INPP4B: variants seen among roughly 807,000 people sequenced by gnomAD.
INPP4B encodes the protein inositol polyphosphate-4-phosphatase type II B.
A neutral mutation model predicts 122.5 loss-of-function variants in INPP4B; 55 were observed. The ratio of observed to expected loss-of-function variants is 0.45; its 90% confidence interval spans 0.36 to 0.56. INPP4B has a LOEUF of 0.56. Ranked by LOEUF, INPP4B falls within the 20% of genes least tolerant of loss-of-function variation. The pLI is 0.00. For synonymous variants in INPP4B, 403 were observed against 388.7 expected, an observed-to-expected ratio of 1.04 and a Z score of -0.43; for missense variants, 1,000 against 1,097.7, an observed-to-expected ratio of 0.91 and a Z score of 1.26.
chr4:142,332,642 G>C (rs1206392514), intron 7 of INPP4B, among the ~76,000 whole-genome samples: 1 of 151,990 alleles, frequency 6.6e-6, no homozygotes, highest in Non-Finnish European at 1.5e-5. Context: ...GTGGTTAAAT[G>C]ACTGGTCCCA....
At chr4:142,071,456 C>A (rs1767255342) in intron 25 of INPP4B, among the ~76,000 whole-genome samples, 1 of 152,104 alleles carries the variant, frequency 6.6e-6, no homozygotes, top group African/African-American at 2.4e-5. Flanking sequence ...ACACCAAAAG[C>A]AATGGCAACA....
intron 7 of INPP4B, among the ~76,000 whole-genome samples, chr4:142,335,906 T>A (rs1220827279): frequency 2.0e-5 from 3 of 152,314 alleles, no homozygotes; most frequent in African/African-American, 7.2e-5. Context: ...AAAGACAGCC[T>A]GAAGCCTGAA....
chr4:142,055,224 A>T (rs1756971771), intron 25 of INPP4B, among the ~76,000 whole-genome samples: 1 of 152,134 alleles, frequency 6.6e-6, no homozygotes, highest in African/African-American at 2.4e-5. Flanking sequence ...TTAAAGTTTG[A>T]TGGTTAAATA....
At chr4:142,551,143 G>A (rs976855422) in intron 2 of INPP4B, among the ~76,000 whole-genome samples, 8 of 152,126 alleles carry the variant, frequency 5.3e-5, no homozygotes, top group Non-Finnish European at 4.4e-5. Context: ...TTGTTTTATG[G>A]CTGCCCAGCA....
chr4:142,561,612 G>C (rs554881302), intron 2 of INPP4B, among the ~76,000 whole-genome samples: 16 of 152,148 alleles, frequency 1.1e-4, no homozygotes, highest in South Asian at 6.2e-4. Flanking sequence ...GTAGAGACGG[G>C]GTTTCACCAT....
chr4:142,322,308 A>T lies in INPP4B; in HGVS notation c.373-7546T>A, dbSNP rs567510655. Among the ~76,000 whole-genome samples the T allele has an allele frequency of 3.3e-5, 5 of 152,314 alleles. No homozygotes were observed. The South Asian group carries it at 1.0e-3, about 32-fold the overall frequency. On this transcript the variant is annotated intron_variant, in intron 7 of 25. Coordinates refer to ENST00000262992, the MANE Select transcript of INPP4B (RefSeq NM_001101669.3). ...CTAAAAAAAAAACTAGGCAATATGA[A>T]AATTATATCTGAAATATTCCTGGGA...
intron 2 of INPP4B, among the ~76,000 whole-genome samples, chr4:142,610,309 A>C (rs1444452023): frequency 6.6e-6 from 1 of 152,118 alleles, no homozygotes; most frequent in African/African-American, 2.4e-5. Flanking sequence ...AGCCATGTAG[A>C]ACTGTGAATC....
intron 14 of INPP4B, among the ~76,000 whole-genome samples, chr4:142,194,205 T>C (rs1460320140): frequency 6.6e-6 from 1 of 152,018 alleles, no homozygotes; most frequent in East Asian, 1.9e-4. Flanking sequence ...ATTCAGAAAA[T>C]GCAAGATCAC....
intron 4 of INPP4B, 139 bp from the exon 5 acceptor site, chr4:142,429,356 G>T (rs1051379717): frequency 5.4e-6 from 3 of 550,632 alleles, no homozygotes; most frequent in Non-Finnish European, 6.5e-6. Context: ...GTTTATCAGG[G>T]TTATAAATAA....
chr4:142,633,762 C>T (rs897394145), intron 2 of INPP4B, among the ~76,000 whole-genome samples: 60 of 151,756 alleles, frequency 4.0e-4, no homozygotes, highest in African/African-American at 1.4e-3. Context: ...TAAAATGACA[C>T]AAAATTGATA....
At chr4:142,524,855 C>A (rs1476499694) in intron 2 of INPP4B, among the ~76,000 whole-genome samples, 15 of 151,796 alleles carry the variant, frequency 9.9e-5, no homozygotes, top group Middle Eastern at 3.4e-3. Flanking sequence ...TCTCACCACT[C>A]CTATTCAACA....
intron 8 of INPP4B, among the ~76,000 whole-genome samples, chr4:142,308,386 C>T (rs1764226712): frequency 1.3e-5 from 2 of 151,980 alleles, no homozygotes; most frequent in Admixed American, 1.3e-4. Flanking sequence ...AACTGTATAT[C>T]AGGACTGCAT....
intron 25 of INPP4B, among the ~76,000 whole-genome samples, chr4:142,067,741 A>T (rs930948316): frequency 6.6e-6 from 1 of 152,196 alleles, no homozygotes; most frequent in African/African-American, 2.4e-5. Flanking sequence ...GTGATTGAAG[A>T]TTAAATAAAT....
At position 142,082,054 on chromosome 4, in the gene INPP4B, G is replaced by A; in HGVS notation, c.2619C>T (p.Ile873=). 6.8e-7 allele frequency: 1 copy of A among 1,471,114 alleles called. No homozygotes were observed. Among genetic ancestry groups the A allele is most frequent in the Non-Finnish European group, 9.2e-7 (1 of 1,086,322 alleles). The allele number at this position is 1,471,114 out of a possible 1,614,324, so 91.1% of individuals were successfully genotyped here. The change falls in exon 25 of 26, where the codon ATC becomes ATT. Residue 873 remains isoleucine (I), a synonymous_variant. Transcript: ENST00000262992. ...DEHQLHKDFF[I]RALDCMRREG... ...ACCTTCTCATGCAATCCAGCGCTCG[G>A]ATAAAGAAGTCCTTGTGTAACTGGT...
intron 15 of INPP4B, among the ~76,000 whole-genome samples, chr4:142,179,951 C>G (rs371667515): frequency 2.0e-5 from 3 of 152,132 alleles, no homozygotes; most frequent in African/African-American, 7.2e-5. Context: ...CAAACCTGGT[C>G]TCCTGATTCC....
intron 11 of INPP4B, among the ~76,000 whole-genome samples, chr4:142,249,081 A>G (rs1730619249): frequency 6.6e-6 from 1 of 152,108 alleles, no homozygotes; most frequent in South Asian, 2.1e-4. Context: ...ATGTACAAAT[A>G]CCGGTAAGTT....
intron 7 of INPP4B, chr4:142,347,661 A>C: frequency 3.1e-6 from 1 of 325,118 alleles, no homozygotes; most frequent in South Asian, 2.7e-5. Flanking sequence ...ATTAATTAAA[A>C]TATTTGAGTA....
chr4:142,212,774 A>G (rs1579306526), intron 12 of INPP4B, among the ~76,000 whole-genome samples: 1 of 152,108 alleles, frequency 6.6e-6, no homozygotes, highest in African/African-American at 2.4e-5. Flanking sequence ...AGGGAAAGGT[A>G]GTGCAAATAC....
chr4:142,287,039 A>G (rs1754045985), intron 9 of INPP4B: 1 of 152,244 alleles, frequency 6.6e-6, no homozygotes, highest in Admixed American at 6.5e-5. Flanking sequence ...TTCTTCTCAT[A>G]GATGAGTATA....
Sources: allele counts gnomAD v4.1 joint callset (sites outside exome capture counted in the v4.1 genomes callset), GRCh38; gene constraint gnomAD v4.1.1; transcripts MANE v1.5; gene names NCBI Gene and HGNC (gene_info 2026-07-23, HGNC 2026-07-21).